The following BICDL1 variants were observed in gnomAD, a reference collection of about 807,000 sequenced individuals.
BICDL1 encodes BICD family like cargo adaptor 1.
Under a neutral mutation model 76.8 loss-of-function variants are expected in BICDL1, and 20 were observed. That is an observed-to-expected ratio of 0.26 (90% CI 0.18 to 0.38). BICDL1 has a LOEUF of 0.38. Ranked by LOEUF, BICDL1 falls within the 10% of genes least tolerant of loss-of-function variation. BICDL1 has a pLI of 1.00. For synonymous variants in BICDL1, 383 were observed against 337.1 expected (o/e 1.14, Z -1.49); for missense variants, 700 against 798.6 (o/e 0.88, Z 1.49).
chr12:120,092,096 A>G (rs1277795860), intron 9 of BICDL1: 8 of 985,470 alleles, frequency 8.1e-6, no homozygotes, highest in Non-Finnish European at 9.6e-6. Context: ...CAGGCTGCTC[A>G]TATTTCTAAA....
intron 2 of BICDL1, among the ~76,000 whole-genome samples, chr12:120,022,481 T>C (rs1952205050): frequency 6.8e-6 from 1 of 147,268 alleles, no homozygotes; most frequent in South Asian, 2.1e-4. Flanking sequence ...ATATATTTTA[T>C]ATATTTTTGT....
chr12:120,019,225 C>T (rs1422352643), intron 2 of BICDL1: 1 of 151,944 alleles, frequency 6.6e-6, no homozygotes, highest in East Asian at 1.9e-4. Flanking sequence ...AAAGTTACTG[C>T]ACTCCAACCT....
intron 1 of BICDL1, among the ~76,000 whole-genome samples, chr12:119,997,317 G>A (rs1434847410): frequency 6.6e-6 from 1 of 152,148 alleles, no homozygotes; most frequent in East Asian, 1.9e-4. Context: ...TAAACCATAT[G>A]TACTTTTCCT....
intron 9 of BICDL1, chr12:120,091,115 G>A (rs867646944): frequency 7.9e-7 from 1 of 1,258,488 alleles, no homozygotes; most frequent in Middle Eastern, 2.3e-4. Flanking sequence ...TCTGTGTGCT[G>A]GAGCCTGGCG....
At chr12:120,072,893 CAG>C (rs1405712458) in intron 6 of BICDL1, among the ~76,000 whole-genome samples, 164 bp downstream of exon 6, 1 of 152,164 alleles carries the variant, frequency 6.6e-6, no homozygotes, top group Non-Finnish European at 1.5e-5. Context: ...GTTTTTGAGA[CAG>C]AGTCTCGCTC....
At chr12:120,014,823 C>T (rs1267589428) in intron 2 of BICDL1, among the ~76,000 whole-genome samples, 1 of 151,248 alleles carries the variant, frequency 6.6e-6, no homozygotes, top group Admixed American at 6.6e-5. Context: ...GTGAGACTCC[C>T]ATCTCTAAAA....
At chr12:120,016,924 G>T (rs959847376) in intron 2 of BICDL1, among the ~76,000 whole-genome samples, 1 of 151,972 alleles carries the variant, frequency 6.6e-6, no homozygotes, top group East Asian at 1.9e-4. Context: ...ACGGAGTCTC[G>T]CTCTCTCTCC....
chr12:120,093,594 G>T lies in BICDL1; in HGVS notation c.*433G>T, dbSNP rs1355925000. 5.3e-6 allele frequency: 1 copy of T among 187,514 alleles called. No individual in the cohort carries two copies. The highest frequency in any genetic ancestry group is 2.4e-5 in the African/African-American group (1 of 41,772). 11.6% of individuals were successfully genotyped at this position (187,514 alleles called of 1,614,324 possible). On this transcript the variant is annotated 3_prime_UTR_variant, in exon 10 of 10. Coordinates refer to ENST00000548673, the MANE Select transcript of BICDL1 (RefSeq NM_001367886.1). ...GCCTCAGGAGGCCTGAGCCCCAGGG[G>T]CCTAGACCTGTGGGGGCAGCGGGCC...
At chr12:120,040,314 C>T (rs576319355) in intron 2 of BICDL1, among the ~76,000 whole-genome samples, 2 of 152,264 alleles carry the variant, frequency 1.3e-5, no homozygotes, top group African/African-American at 4.8e-5. Flanking sequence ...TGGTCTTGAA[C>T]TCCTGACCTC....
intron 2 of BICDL1, among the ~76,000 whole-genome samples, chr12:120,053,711 G>A (rs937602871): frequency 3.3e-5 from 5 of 152,094 alleles, no homozygotes; most frequent in Non-Finnish European, 5.9e-5. Context: ...AGGAGCCTTC[G>A]TTCATTTATT....
intron 2 of BICDL1, among the ~76,000 whole-genome samples, chr12:120,010,321 CCAT>C (rs1220914996): frequency 1.3e-5 from 2 of 152,200 alleles, no homozygotes; most frequent in Non-Finnish European, 1.5e-5. Flanking sequence ...AAGATTGCCA[CCAT>C]CATCCTTATC....
chr12:120,060,666 T>C (rs1953084842), intron 2 of BICDL1, among the ~76,000 whole-genome samples: 1 of 152,250 alleles, frequency 6.6e-6, no homozygotes. Context: ...TTGAGAATCT[T>C]CTGTGGCTCT....
intron 2 of BICDL1, among the ~76,000 whole-genome samples, chr12:120,007,588 C>T (rs967142345): frequency 2.0e-5 from 3 of 152,194 alleles, no homozygotes; most frequent in Non-Finnish European, 4.4e-5. Context: ...CTGTTTTCCT[C>T]AGTCAGCCTC....
rs11313842 is a variant in BICDL1 at position 120,028,372 on chromosome 12, C to CA, written c.645+29648dup. 3.0e-3 allele frequency among the ~76,000 whole-genome samples: 440 copies of CA among 145,184 alleles called. 16 individuals carry two copies. In the East Asian group the frequency reaches 0.064, roughly 21 times the overall value. Reference sequence around the variant, plus strand: ...AATCACATATCCAAGAATTGGTTTCCAAAAAAAAAAAATAGATATTGGCTG... The same window carrying CA: ...AATCACATATCCAAGAATTGGTTTCCAAAAAAAAAAAAATAGATATTGGCTG... On this transcript the variant is annotated intron_variant, in intron 2 of 9. Transcript: ENST00000548673.
Position 120,093,193 on chromosome 12 carries a change from G to A in BICDL1, c.*32G>A, listed in dbSNP as rs139113262. The A allele has an allele frequency of 6.9e-5, 107 of 1,559,742 alleles. 1 individual carries two copies. In the African/African-American group the frequency reaches 1.1e-3, roughly 17 times the overall value. ...AGGAGTCAGGCCACCAAAGATGGGT[G>A]GACTGGAGGCAGCTGGAAAGGCGGT... is the stretch of plus-strand genomic sequence containing the variant. On this transcript the variant is annotated 3_prime_UTR_variant, in exon 10 of 10. Transcript: ENST00000548673.
chr12:120,028,275 A>G (rs530198209), intron 2 of BICDL1, among the ~76,000 whole-genome samples: 1 of 152,098 alleles, frequency 6.6e-6, no homozygotes, highest in Non-Finnish European at 1.5e-5. Flanking sequence ...ATAAGAAAAT[A>G]TATCTAATTT....
chr12:120,029,595 G>GT (rs1342897857), intron 2 of BICDL1, among the ~76,000 whole-genome samples: 1 of 152,134 alleles, frequency 6.6e-6, no homozygotes, highest in Non-Finnish European at 1.5e-5. Context: ...AAAAGCTTTT[G>GT]TAAGTCTTAG....
chr12:120,080,964 G>T lies in BICDL1; in HGVS notation c.1530G>T (p.Glu510Asp), dbSNP rs765468277. 8.1e-6 allele frequency: 13 copies of T among 1,613,776 alleles called. No individual in the cohort carries two copies. In the South Asian group the frequency reaches 1.4e-4, roughly 18 times the overall value. The change falls in exon 8 of 10, where the codon GAG (glutamate) becomes GAT (aspartate). Residue 510 changes from glutamate to aspartate, a missense_variant. Around this residue, in one of 3 missense-constraint regions of BICDL1, gnomAD observed 455 missense variants for 548.7 expected, o/e 0.83. Coordinates refer to ENST00000548673, the MANE Select transcript of BICDL1 (RefSeq NM_001367886.1). Reference sequence around the variant, plus strand: ...TCAGAGTCACTTCTGAGGACAAGGAGCCAAAGGAGCAGCTTCAGAAGGCCA... The same window carrying T: ...TCAGAGTCACTTCTGAGGACAAGGATCCAAAGGAGCAGCTTCAGAAGGCCA... ...DRLRVTSEDK[E>D]PKEQLQKAIR...
intron 9 of BICDL1, chr12:120,090,646 G>A (rs1874875848): frequency 2.8e-6 from 1 of 358,464 alleles, no homozygotes. Flanking sequence ...AGGTAGCACA[G>A]TTTTAGGATA....
Sources: gnomAD v4.1 joint callset for allele counts (sites outside exome capture counted in the v4.1 genomes callset) on GRCh38, gnomAD v4.1.1 for gene constraint, gnomAD v4.1.1 regional missense constraint, MANE v1.5 for transcripts, NCBI Gene and HGNC (gene_info 2026-07-23, HGNC 2026-07-21) for gene names.